Variants in FBXO47 observed in about 807,000 individuals in gnomAD.
The protein encoded by FBXO47 is F-box protein 47, also known as F-box only protein 47.
In FBXO47, 34 loss-of-function variants were observed where a neutral mutation model predicts 53.9. The observed-to-expected ratio is 0.63, with a 90% CI of 0.48 to 0.84. FBXO47 has a LOEUF of 0.84. Among genes scored for constraint, FBXO47 ranks in the 40% least tolerant of loss-of-function variants. The probability of loss-of-function intolerance (pLI) is 0.00; values close to 1 mark genes in which losing one functional copy is unlikely to be tolerated. For missense variants in FBXO47, 485 were observed against 541.3 expected (o/e 0.90, Z 1.03); for synonymous variants, 165 against 181.6 (o/e 0.91, Z 0.73).
chr17:38,945,744 G>A (rs1042305240), intron 6 of FBXO47, among the ~76,000 whole-genome samples: 3 of 151,610 alleles, frequency 2.0e-5, no homozygotes, highest in African/African-American at 7.3e-5. Context: ...AGACCAACCT[G>A]GCTAACACGG....
At chr17:38,959,186 C>G (rs572624992) in intron 3 of FBXO47, among the ~76,000 whole-genome samples, 72 of 151,718 alleles carry the variant, frequency 4.7e-4, no homozygotes, top group African/African-American at 1.3e-3. Context: ...TCTGCTATAC[C>G]CTTTAGAGAC....
intron 6 of FBXO47, among the ~76,000 whole-genome samples, chr17:38,946,285 TAAATATATAAAA>T: frequency 1.2e-5 from 1 of 86,724 alleles, no homozygotes; most frequent in Non-Finnish European, 2.1e-5. Flanking sequence ...AAAATATATA[TAAATATATAAAA>T]ATATATATAA....
At chr17:38,947,458 A>C (rs184616113) in intron 6 of FBXO47, among the ~76,000 whole-genome samples, 3 of 152,152 alleles carry the variant, frequency 2.0e-5, no homozygotes, top group Admixed American at 2.0e-4. Flanking sequence ...CCTCCCTAGT[A>C]GCTGGGACCA....
At position 38,951,651 on chromosome 17, in the gene FBXO47, G is replaced by A. The variant is rs201075114; in HGVS notation, c.546C>T (p.Arg182=). Residue 182 remains arginine, a synonymous_variant, in exon 6 of 11, where the codon CGC becomes CGT. Transcript: ENST00000378079. ...TCAGTTCGCATAAGAAATTATAAACGCGATGGCACTCAAGTTCATCCCAAC... is the reference window on the plus strand; with the variant it reads ...TCAGTTCGCATAAGAAATTATAAACACGATGGCACTCAAGTTCATCCCAAC... ...TAGWDELECH[R]VYNFLCELTN... The A allele has an allele frequency of 1.8e-5, 29 of 1,613,738 alleles. No individual in the cohort carries two copies. Among genetic ancestry groups the A allele is most frequent in the Admixed American group, 1.5e-4 (9 of 59,968 alleles).
At chr17:38,950,806 T>C (rs1009244622) in intron 6 of FBXO47, among the ~76,000 whole-genome samples, 2 of 152,200 alleles carry the variant, frequency 1.3e-5, no homozygotes, top group Non-Finnish European at 2.9e-5. Flanking sequence ...GCCCTCTTTC[T>C]CCAATCTCAT....
chr17:38,940,318 G>C (rs1904450736), intron 9 of FBXO47, among the ~76,000 whole-genome samples: 2 of 151,952 alleles, frequency 1.3e-5, no homozygotes, highest in African/African-American at 4.9e-5. Flanking sequence ...AGGCTTTCTA[G>C]AGAAGGCTTC....
intron 3 of FBXO47, 140 bp from the exon 4 acceptor site, chr17:38,957,393 T>A (rs1485938741): frequency 1.2e-5 from 7 of 604,486 alleles, no homozygotes; most frequent in Non-Finnish European, 2.0e-5. Flanking sequence ...AAGAGAAAGT[T>A]TGGGAGGAAG....
intron 1 of FBXO47, among the ~76,000 whole-genome samples, chr17:38,963,255 G>A (rs1905912671): frequency 6.6e-6 from 1 of 152,028 alleles, no homozygotes; most frequent in South Asian, 2.1e-4. Flanking sequence ...TCGGCTCACT[G>A]CAACCTCCAC....
intron 4 of FBXO47, among the ~76,000 whole-genome samples, chr17:38,956,008 C>T (rs1461805573): frequency 6.8e-6 from 1 of 146,488 alleles, no homozygotes; most frequent in Non-Finnish European, 1.5e-5. Context: ...TGGTGGCACA[C>T]GCCTGTAATC....
chr17:38,963,800 T>C lies in FBXO47; in HGVS notation c.-26-749A>G, dbSNP rs937149815. ...TTTTGTTGTTGTTGTTGTTGTTTTG[T>C]TGTTTTTTTTTTTTTTGTCAAGGTC... On this transcript the variant is annotated intron_variant, in intron 1 of 10. Coordinates refer to ENST00000378079, the MANE Select transcript of FBXO47 (RefSeq NM_001008777.3). 1.8e-3 allele frequency among the ~76,000 whole-genome samples: 228 copies of C among 127,624 alleles called. 5 individuals are homozygous for C. The East Asian group carries it at 0.053, about 29-fold the overall frequency. 83.7% of individuals were successfully genotyped at this position (127,624 alleles called of 152,430 possible).
At chr17:38,962,700 T>C (rs1905873844) in intron 2 of FBXO47, 145 bp downstream of exon 2, 1 of 390,532 alleles carries the variant, frequency 2.6e-6, no homozygotes, top group Non-Finnish European at 4.4e-6. Flanking sequence ...CTGACAATAA[T>C]GAAACTTTAG....
Position 38,946,595 on chromosome 17 carries a change from A to AAT in FBXO47, c.617-1461_617-1460dup, listed in dbSNP as rs1375880061. On this transcript the variant is annotated intron_variant, in intron 6 of 10. Transcript: ENST00000378079. ...ATATATATGAATATATAACTATATA[A>AAT]ATATATGAATATATATAACTATATA... Among the ~76,000 whole-genome samples, 9 of 74,614 alleles carry AAT rather than the reference A, an allele frequency of 1.2e-4. 1 individual carries two copies. The Admixed American group carries it at 1.3e-3, about 10-fold the overall frequency. 48.9% of individuals were successfully genotyped at this position (74,614 alleles called of 152,430 possible).
chr17:38,957,786 G>A (rs1157946935), intron 3 of FBXO47, among the ~76,000 whole-genome samples: 5 of 149,334 alleles, frequency 3.3e-5, no homozygotes, highest in Non-Finnish European at 5.9e-5. Flanking sequence ...CTGCAGTCTC[G>A]ACCTTGTGGG....
chr17:38,948,189 T>C (rs1905032840), intron 6 of FBXO47, among the ~76,000 whole-genome samples: 1 of 149,742 alleles, frequency 6.7e-6, no homozygotes. Context: ...TCCATCTCCA[T>C]GGATTTCCCT....
chr17:38,946,534 C>A (rs1167535563), intron 6 of FBXO47, among the ~76,000 whole-genome samples: 67 of 55,482 alleles, frequency 1.2e-3, no homozygotes, highest in African/African-American at 2.1e-3. Flanking sequence ...ATATATATAA[C>A]TATATAAATA....
chr17:38,963,757 CTTCTT>C (rs1905940484), intron 1 of FBXO47, among the ~76,000 whole-genome samples: 1 of 150,268 alleles, frequency 6.7e-6, no homozygotes, highest in African/African-American at 2.4e-5. Flanking sequence ...TAAAGTCTTT[CTTCTT>C]TTCTTTGTTG....
intron 9 of FBXO47, among the ~76,000 whole-genome samples, chr17:38,940,570 G>C (rs1268999889): frequency 1.3e-5 from 2 of 151,838 alleles, no homozygotes; most frequent in Non-Finnish European, 2.9e-5. Context: ...AAATCATACT[G>C]AACTGCTTAC....
intron 3 of FBXO47, 51 bp downstream of exon 3, chr17:38,961,826 C>G: frequency 1.3e-6 from 2 of 1,506,028 alleles, no homozygotes; most frequent in South Asian, 2.4e-5. Context: ...CTAAGTTTCT[C>G]TTAATTAAGC....
In FBXO47 at chr17:38,940,416, C is replaced by T. The variant is rs74933579; in HGVS notation, c.1084-1684G>A. Reference sequence around the variant, plus strand: ...AAACACAAAGCCAATTATGTCTCTCCCCTTCATAAAACTTTTCAGTAGCTC... The same window carrying T: ...AAACACAAAGCCAATTATGTCTCTCTCCTTCATAAAACTTTTCAGTAGCTC... On this transcript the variant is annotated intron_variant, in intron 9 of 10. Transcript: ENST00000378079. 3.2e-3 allele frequency among the ~76,000 whole-genome samples: 489 copies of T among 151,974 alleles called. 11 individuals are homozygous for T. The highest frequency in any genetic ancestry group is 0.011 in the African/African-American group (459 of 41,298).
Sources: gnomAD v4.1 joint callset for allele counts (sites outside exome capture counted in the v4.1 genomes callset) on GRCh38, gnomAD v4.1.1 for gene constraint, MANE v1.5 for transcripts, NCBI Gene and HGNC (gene_info 2026-07-23, HGNC 2026-07-21) for gene names.